MACROD2: variants seen among roughly 807,000 people sequenced by gnomAD.
MACROD2 encodes the protein ADP-ribose glycohydrolase MACROD2.
Under a neutral mutation model 70.4 loss-of-function variants are expected in MACROD2, and 36 were observed. That is an observed-to-expected ratio of 0.51 (90% CI 0.39 to 0.68). The LOEUF (loss-of-function observed/expected upper bound fraction) is 0.68, where lower values mean the gene tolerates loss of function less well. Among genes scored for constraint, MACROD2 ranks in the 30% least tolerant of loss-of-function variants. MACROD2 has a pLI of 0.00. For missense variants in MACROD2, 496 were observed against 538.4 expected (o/e 0.92, Z 0.78); for synonymous variants, 172 against 178.8 (o/e 0.96, Z 0.30).
rs897399376 is a variant in MACROD2 at position 15,153,108 on chromosome 20, A to G, written c.419-76832A>G. Among the ~76,000 whole-genome samples the G allele has an allele frequency of 5.9e-5, 9 of 151,982 alleles. 1 individual carries two copies. The highest frequency in any genetic ancestry group is 2.2e-4 in the African/African-American group (9 of 41,316). ...CAAAGAGCAGGAGGACAGGGGATTG[A>G]TCTCCCAAGGGAGGTCCCCCAGTTC... On this transcript the variant is annotated intron_variant, in intron 5 of 17. Transcript: ENST00000684519.
chr20:14,620,576 AT>A (rs1459852762), intron 4 of MACROD2, among the ~76,000 whole-genome samples: 5 of 152,106 alleles, frequency 3.3e-5, no homozygotes, highest in African/African-American at 1.2e-4. Context: ...GGAGAAAAAA[AT>A]TACGTAGGCT....
chr20:15,933,683 A>C (rs1295490412), intron 11 of MACROD2, among the ~76,000 whole-genome samples: 1 of 152,196 alleles, frequency 6.6e-6, no homozygotes, highest in Non-Finnish European at 1.5e-5. Context: ...GAGGGAAAAA[A>C]TGAAATAAAA....
chr20:15,670,866 G>A (rs141626520), intron 8 of MACROD2, among the ~76,000 whole-genome samples: 38 of 152,288 alleles, frequency 2.5e-4, no homozygotes, highest in East Asian at 9.6e-4. Flanking sequence ...ACCTGTGAAG[G>A]CTTGACTTTG....
intron 5 of MACROD2, among the ~76,000 whole-genome samples, chr20:15,148,222 GATTTTGTGGTAAGGGATGAC>G (rs1338872686): frequency 1.3e-5 from 2 of 151,844 alleles, no homozygotes. Context: ...GCTGAAGGAA[GATTTTGTGGTAAGGGATGAC>G]ATTGTGGGGG....
intron 2 of MACROD2, among the ~76,000 whole-genome samples, chr20:14,014,632 T>C (rs908177327): frequency 6.8e-6 from 1 of 147,144 alleles, no homozygotes; most frequent in African/African-American, 2.4e-5. Flanking sequence ...TTCTCCAGAG[T>C]TAATTCACTT....
intron 2 of MACROD2, among the ~76,000 whole-genome samples, chr20:14,072,889 GCA>G (rs2053866409): frequency 6.8e-6 from 1 of 148,018 alleles, no homozygotes; most frequent in African/African-American, 2.5e-5. Flanking sequence ...AGCTGAGATC[GCA>G]TCACTGCACT....
chr20:14,591,791 A>C (rs1981788672), intron 4 of MACROD2, among the ~76,000 whole-genome samples: 1 of 152,094 alleles, frequency 6.6e-6, no homozygotes, highest in Admixed American at 6.5e-5. Flanking sequence ...TGTAATAGTC[A>C]AACAAACCTT....
intron 3 of MACROD2, among the ~76,000 whole-genome samples, chr20:14,205,426 C>T (rs2081514963): frequency 6.6e-6 from 1 of 152,168 alleles, no homozygotes; most frequent in African/African-American, 2.4e-5. Context: ...GCCGGTTGCC[C>T]CCCTTCACAG....
At chr20:14,093,990 A>T (rs7264097) in intron 3 of MACROD2, among the ~76,000 whole-genome samples, 25,852 of 151,070 alleles carry the variant, frequency 0.17, 2,319 homozygotes, top group East Asian at 0.25. Context: ...TTTTTTTTTT[A>T]AAATTTTTTT....
intron 8 of MACROD2, among the ~76,000 whole-genome samples, chr20:15,560,743 A>G (rs1432708609): frequency 4.4e-5 from 6 of 136,780 alleles, no homozygotes; most frequent in Non-Finnish European, 9.1e-5. Flanking sequence ...AGCCTGGGCC[A>G]CAGGGCATAA....
chr20:15,780,781 G>A (rs1243190792), intron 8 of MACROD2, among the ~76,000 whole-genome samples: 1 of 152,008 alleles, frequency 6.6e-6, no homozygotes, highest in Non-Finnish European at 1.5e-5. Flanking sequence ...GATTCAAGAT[G>A]CATTTTTGAG....
At chr20:14,127,749 G>T (rs1367087928) in intron 3 of MACROD2, 4 of 428,128 alleles carry the variant, frequency 9.3e-6, no homozygotes, top group South Asian at 4.2e-5. Flanking sequence ...TGGTATCAAA[G>T]AACAGATAAA....
chr20:15,637,189 A>G (rs937342783), intron 8 of MACROD2, among the ~76,000 whole-genome samples: 5 of 149,528 alleles, frequency 3.3e-5, no homozygotes, highest in African/African-American at 1.2e-4. Context: ...ACTAGCCTAG[A>G]CTTACATCCT....
chr20:14,638,034 T>G (rs1254629550), intron 4 of MACROD2, among the ~76,000 whole-genome samples: 1 of 152,162 alleles, frequency 6.6e-6, no homozygotes, highest in Non-Finnish European at 1.5e-5. Context: ...TCTGGGTTTT[T>G]TTTTCTGTAG....
intron 5 of MACROD2, among the ~76,000 whole-genome samples, chr20:15,100,305 TTA>T (rs2075862587): frequency 1.7e-5 from 1 of 59,204 alleles, no homozygotes; most frequent in Non-Finnish European, 3.1e-5. Flanking sequence ...CATTTTTGAC[TTA>T]TGATATTTTT....
At chr20:14,614,859 C>G (rs1412590425) in intron 4 of MACROD2, among the ~76,000 whole-genome samples, 3 of 152,048 alleles carry the variant, frequency 2.0e-5, no homozygotes, top group African/African-American at 7.2e-5. Flanking sequence ...TGAATAAATG[C>G]ATACATGACT....
chr20:14,234,157 A>G (rs1365064768), intron 3 of MACROD2, among the ~76,000 whole-genome samples: 1 of 152,216 alleles, frequency 6.6e-6, no homozygotes, highest in Non-Finnish European at 1.5e-5. Flanking sequence ...GAGAGGGTAT[A>G]TGGGGACTCT....
intron 5 of MACROD2, among the ~76,000 whole-genome samples, chr20:15,205,985 G>T (rs577209187): frequency 2.2e-4 from 34 of 152,298 alleles, no homozygotes; most frequent in African/African-American, 7.7e-4. Context: ...AATTTGCAAG[G>T]AAGCAGTCCC....
At chr20:14,451,458 A>G (rs2084244179) in intron 3 of MACROD2, among the ~76,000 whole-genome samples, 1 of 152,094 alleles carries the variant, frequency 6.6e-6, no homozygotes, top group African/African-American at 2.4e-5. Flanking sequence ...ACAAAAAAAC[A>G]AAGTGTGTTA....
Sources: allele counts gnomAD v4.1 joint callset (sites outside exome capture counted in the v4.1 genomes callset), GRCh38; gene constraint gnomAD v4.1.1; transcripts MANE v1.5; gene names NCBI Gene and HGNC (gene_info 2026-07-23, HGNC 2026-07-21).